Variants in SMAP2 observed in about 807,000 individuals in gnomAD.
SMAP2 encodes the protein small ArfGAP2, also known as stromal membrane-associated protein 2.
Under a neutral mutation model 56.4 loss-of-function variants are expected in SMAP2, and 25 were observed. That is an observed-to-expected ratio of 0.44 (90% CI 0.32 to 0.62). SMAP2 has a LOEUF of 0.62. SMAP2 is among the 20% of genes least tolerant of loss of function. SMAP2 has a pLI of 0.04. For missense variants in SMAP2, 388 were observed against 545.6 expected (o/e 0.71, Z 2.88); for synonymous variants, 157 against 181.7 (o/e 0.86, Z 1.09).
chr1:40,351,628 G>A (rs1454067147), intron 1 of SMAP2, among the ~76,000 whole-genome samples: 4 of 151,868 alleles, frequency 2.6e-5, no homozygotes, highest in South Asian at 2.1e-4. Flanking sequence ...CTCAGCCTCC[G>A]GAGTAGCTGG....
chr1:40,406,920 A>C, intron 2 of SMAP2, 51 bp downstream of exon 2: 1 of 1,520,660 alleles, frequency 6.6e-7, no homozygotes, highest in Non-Finnish European at 8.9e-7. Flanking sequence ...ATGTAAAAGG[A>C]ATTCCAGATG....
intron 9 of SMAP2, among the ~76,000 whole-genome samples, chr1:40,418,472 A>AT (rs1314372193): frequency 6.6e-6 from 1 of 152,246 alleles, no homozygotes; most frequent in Non-Finnish European, 1.5e-5. Flanking sequence ...ATGGGACAGT[A>AT]TTAATGTGTT....
chr1:40,416,224 A>G lies in SMAP2; in HGVS notation c.730A>G (p.Asn244Asp). Residue 244 changes from asparagine to aspartate, a missense_variant, in exon 8 of 10, where the codon AAT (asparagine) becomes GAT (aspartate). Transcript: ENST00000372718. ...TAGSAGSVPE[N>D]LNLFPEPGSK... is the part of the protein sequence containing the mutation. ...AGGGAGTGCCGGCTCTGTTCCTGAAAATCTGAACCTGTTTCCGGAGCCAGG... is the reference window on the plus strand; with the variant it reads ...AGGGAGTGCCGGCTCTGTTCCTGAAGATCTGAACCTGTTTCCGGAGCCAGG... The G allele has an allele frequency of 6.2e-7, 1 of 1,614,046 alleles. No individual in the cohort carries two copies. The highest frequency in any genetic ancestry group is 8.5e-7 in the Non-Finnish European group (1 of 1,179,996).
Position 40,357,186 on chromosome 1 carries a change from T to C in SMAP2, c.-82-5114T>C, listed in dbSNP as rs192610648. Among the ~76,000 whole-genome samples, 263 of 152,310 alleles carry C rather than the reference T, an allele frequency of 1.7e-3. 1 individual carries two copies. Among genetic ancestry groups the C allele is most frequent in the African/African-American group, 5.8e-3 (242 of 41,552 alleles). On this transcript the variant is annotated intron_variant, in intron 1 of 6. Transcript: ENST00000435168. Reference sequence around the variant, plus strand: ...TCCAATGGACCCCATTGTCCATTTTTGCTTTGGTTTCCTGTGCTTGTGAGG... The same window carrying C: ...TCCAATGGACCCCATTGTCCATTTTCGCTTTGGTTTCCTGTGCTTGTGAGG...
At chr1:40,407,060 T>C (rs1557453970) in intron 2 of SMAP2, among the ~76,000 whole-genome samples, 191 bp downstream of exon 2, 2 of 152,242 alleles carry the variant, frequency 1.3e-5, no homozygotes, top group Non-Finnish European at 2.9e-5. Flanking sequence ...ATTCTACCTA[T>C]ATTTTACCTC....
chr1:40,378,017 T>C (rs1400530834), intron 1 of SMAP2, among the ~76,000 whole-genome samples: 1 of 152,244 alleles, frequency 6.6e-6, no homozygotes, highest in Non-Finnish European at 1.5e-5. Context: ...ATGTTAATGC[T>C]ATGCCAGTAG....
chr1:40,355,362 A>G (rs1321215532), intron 1 of SMAP2, among the ~76,000 whole-genome samples: 1 of 152,106 alleles, frequency 6.6e-6, no homozygotes, highest in Non-Finnish European at 1.5e-5. Flanking sequence ...CGTTATCACT[A>G]TACTATTATA....
At chr1:40,402,596 C>T (rs1240538602) in intron 1 of SMAP2, among the ~76,000 whole-genome samples, 5 of 151,990 alleles carry the variant, frequency 3.3e-5, no homozygotes, top group African/African-American at 4.8e-5. Flanking sequence ...ATTACAGGCA[C>T]GTGCCACCAT....
At chr1:40,378,953 T>C in intron 1 of SMAP2, among the ~76,000 whole-genome samples, 1 of 151,420 alleles carries the variant, frequency 6.6e-6, no homozygotes, top group Non-Finnish European at 1.5e-5. Context: ...GAAGTAACAA[T>C]TGTTGGCAAT....
At chr1:40,406,005 A>G (rs759556877) in intron 1 of SMAP2, among the ~76,000 whole-genome samples, 3 of 152,240 alleles carry the variant, frequency 2.0e-5, no homozygotes, top group Non-Finnish European at 2.9e-5. Flanking sequence ...ATGCGAATGC[A>G]TATTTTATAG....
In SMAP2 at chr1:40,386,853, CTTT is replaced by C. The variant is rs57984975; in HGVS notation, c.103+12646_103+12648del. On this transcript the variant is annotated intron_variant, in intron 1 of 9. Coordinates refer to ENST00000372718, the MANE Select transcript of SMAP2 (RefSeq NM_022733.3). The surrounding 1 kb of genome is among the most constrained non-coding windows in gnomAD (Gnocchi z 4.1). ...GATGCTGAAGGTATTTTTCATAATTCTTTTTTTTTTTTTTTTTTGGAGACAAGG... is the reference window on the plus strand; with the variant it reads ...GATGCTGAAGGTATTTTTCATAATTCTTTTTTTTTTTTTTTGGAGACAAGG... 3.9e-5 allele frequency among the ~76,000 whole-genome samples: 5 copies of C among 127,338 alleles called. No homozygotes were observed. Among genetic ancestry groups the C allele is most frequent in the Admixed American group, 8.1e-5 (1 of 12,384 alleles). The allele number at this position is 127,338 out of a possible 152,430, so 83.5% of individuals were successfully genotyped here.
intron 1 of SMAP2, among the ~76,000 whole-genome samples, chr1:40,355,889 G>T (rs1230297575): frequency 6.6e-6 from 1 of 152,070 alleles, no homozygotes; most frequent in Non-Finnish European, 1.5e-5. Context: ...GGGATTATAG[G>T]TGTGAGCCAC....
intron 9 of SMAP2, among the ~76,000 whole-genome samples, chr1:40,421,263 T>C (rs1332045109): frequency 6.6e-6 from 1 of 152,170 alleles, no homozygotes; most frequent in Non-Finnish European, 1.5e-5. Context: ...ATAACTTATA[T>C]AGAAAATTTA....
At chr1:40,398,125 G>C (rs1644790564) in intron 1 of SMAP2, among the ~76,000 whole-genome samples, 1 of 152,070 alleles carries the variant, frequency 6.6e-6, no homozygotes, top group Non-Finnish European at 1.5e-5. Context: ...ATTCAGAGAG[G>C]ATATATAGAG....
At position 40,374,606 on chromosome 1, in the gene SMAP2, TG is replaced by T; in HGVS notation, c.103+384del. On this transcript the variant is annotated intron_variant, in intron 1 of 9. Coordinates refer to ENST00000372718, the MANE Select transcript of SMAP2 (RefSeq NM_022733.3). The surrounding 1 kb of genome is among the most constrained non-coding windows in gnomAD (Gnocchi z 5.9). Reference sequence around the variant, plus strand: ...GTGCGTGCGTGCGTGCGTGTGTGTGTGTGTGTGTGTGTGTGTGTGAGAGAGA... The same window carrying T: ...GTGCGTGCGTGCGTGCGTGTGTGTGTTGTGTGTGTGTGTGTGTGAGAGAGA... The T allele has an allele frequency of 7.6e-7, 1 of 1,317,288 alleles. No homozygotes were observed. The highest frequency in any genetic ancestry group is 1.0e-6 in the Non-Finnish European group (1 of 957,294). The allele number at this position is 1,317,288 out of a possible 1,614,324, so 81.6% of individuals were successfully genotyped here. A position where few individuals can be genotyped will look rare whatever the true frequency, so the allele number is the denominator to read the frequency against.
At chr1:40,351,887 C>T (rs1399330213) in intron 1 of SMAP2, among the ~76,000 whole-genome samples, 1 of 152,072 alleles carries the variant, frequency 6.6e-6, no homozygotes, top group Non-Finnish European at 1.5e-5. Context: ...ATCTACCCAC[C>T]TCGGCCTCCC....
rs945101786 is a variant in SMAP2 at position 40,374,330 on chromosome 1, T to C, written c.103+107T>C. The C allele has an allele frequency of 5.3e-6, 5 of 940,776 alleles. No individual in the cohort carries two copies. The highest frequency in any genetic ancestry group is 8.4e-6 in the Non-Finnish European group (5 of 594,532). 58.3% of individuals were successfully genotyped at this position (940,776 alleles called of 1,614,324 possible). On this transcript the variant is annotated intron_variant, in intron 1 of 9. Coordinates refer to ENST00000372718, the MANE Select transcript of SMAP2 (RefSeq NM_022733.3). This position sits in a 1 kb window ranked among gnomAD's most constrained non-coding sequence, Gnocchi z 5.9. The stretch of plus-strand genomic sequence containing the variant: ...AGCTTAGGCCGCCCAACTCGGCTTA[T>C]AAGTGGTAACGCGTGCTGCGCTTGC...
At position 40,406,737 on chromosome 1, in the gene SMAP2, G is replaced by A. The variant is rs1206024215; in HGVS notation, c.105G>A (p.Gly35=). The A allele has an allele frequency of 6.2e-7, 1 of 1,612,512 alleles. No homozygotes were observed. The highest frequency in any genetic ancestry group is 1.1e-5 in the South Asian group (1 of 90,962). Residue 35 remains glycine (G), a splice_region_variant and synonymous_variant, in exon 2 of 10, where the codon GGG becomes GGA. Transcript: ENST00000372718. ...NKFCADCQSK[G]PRWASWNIGV... The stretch of plus-strand genomic sequence containing the variant: ...TTGCCCTGTTCCTGACTTTCACAGG[G>A]CCGCGATGGGCCTCTTGGAACATTG...
At chr1:40,350,397 G>A (rs896526137) in intron 1 of SMAP2, among the ~76,000 whole-genome samples, 1 of 152,182 alleles carries the variant, frequency 6.6e-6, no homozygotes, top group African/African-American at 2.4e-5. Context: ...CAAACCTGAG[G>A]TCCCTATTGC....
Sources: gnomAD v4.1 joint callset for allele counts (sites outside exome capture counted in the v4.1 genomes callset) on GRCh38, gnomAD v4.1.1 for gene constraint, Gnocchi (gnomAD v3.1) non-coding constraint, MANE v1.5 for transcripts, NCBI Gene and HGNC (gene_info 2026-07-23, HGNC 2026-07-21) for gene names.